The following SAMD12 variants were observed in gnomAD, a reference collection of about 807,000 sequenced individuals.
The protein encoded by SAMD12 is sterile alpha motif domain-containing protein 12.
Under a neutral mutation model 15.0 loss-of-function variants are expected in SAMD12, and 9 were observed. The ratio of observed to expected loss-of-function variants is 0.60; its 90% CI spans 0.36 to 1.05. The LOEUF (loss-of-function observed/expected upper bound fraction) is 1.05. Ranked by LOEUF, SAMD12 falls within the 50% of genes least tolerant of loss-of-function variation. The probability of loss-of-function intolerance (pLI) is 0.01; values close to 1 mark genes in which losing one functional copy is unlikely to be tolerated. For missense variants in SAMD12, 230 were observed against 234.2 expected, an observed-to-expected ratio of 0.98 and a Z score of 0.12; for synonymous variants, 86 against 90.1, an observed-to-expected ratio of 0.96 and a Z score of 0.25.
At chr8:118,522,387 C>G (rs1480725122) in intron 2 of SAMD12, among the ~76,000 whole-genome samples, 3 of 152,046 alleles carry the variant, frequency 2.0e-5, no homozygotes, top group Non-Finnish European at 2.9e-5. Context: ...CATATTGATG[C>G]TAGGTTTACA....
chr8:118,460,648 G>A (rs1172458039), intron 2 of SAMD12, among the ~76,000 whole-genome samples: 2 of 152,132 alleles, frequency 1.3e-5, no homozygotes, highest in East Asian at 1.9e-4. Flanking sequence ...AAAATGGAGA[G>A]AGTTGGAAGA....
At chr8:118,147,900 A>G in the SAMD12 span, among the ~76,000 whole-genome samples, 1 of 131,172 alleles carries the variant, frequency 7.6e-6, no homozygotes, top group Non-Finnish European at 1.8e-5. Context: ...CTCCTTGCTG[A>G]ATTTTTTTTT....
At chr8:118,393,374 G>A (rs1437364378) in intron 3 of SAMD12, among the ~76,000 whole-genome samples, 1 of 112,288 alleles carries the variant, frequency 8.9e-6, no homozygotes, top group African/African-American at 3.8e-5. Flanking sequence ...TGTTTTATAT[G>A]TATGTGTGTA....
intron 1 of SAMD12, among the ~76,000 whole-genome samples, chr8:118,612,670 A>T (rs1169579539): frequency 1.3e-5 from 2 of 152,248 alleles, no homozygotes; most frequent in African/African-American, 4.8e-5. Context: ...TTTCTAATAC[A>T]GGTAAAACAT....
At chr8:118,492,121 C>CTTTTTT (rs1586760425) in intron 2 of SAMD12, among the ~76,000 whole-genome samples, 2 of 112,578 alleles carry the variant, frequency 1.8e-5, no homozygotes. Context: ...ACTGGTGTTG[C>CTTTTTT]CTTTTTTTTT....
intron 2 of SAMD12, among the ~76,000 whole-genome samples, chr8:118,456,447 AG>A (rs1211560297): frequency 1.3e-5 from 2 of 152,318 alleles, no homozygotes; most frequent in East Asian, 3.9e-4. Context: ...CTTAGCACCT[AG>A]GGGGTTAATG....
intron 4 of SAMD12, among the ~76,000 whole-genome samples, chr8:118,251,841 G>A (rs910094100): frequency 1.3e-5 from 2 of 151,876 alleles, no homozygotes; most frequent in Non-Finnish European, 2.9e-5. Flanking sequence ...ATCATCTTCT[G>A]TTAGAGCTTC....
At chr8:118,509,489 T>C (rs1053957711) in intron 2 of SAMD12, among the ~76,000 whole-genome samples, 1 of 152,150 alleles carries the variant, frequency 6.6e-6, no homozygotes, top group Non-Finnish European at 1.5e-5. Flanking sequence ...TGAAACAGGC[T>C]TTGACTCTGT....
At chr8:118,549,147 T>G (rs988249800) in intron 2 of SAMD12, among the ~76,000 whole-genome samples, 1 of 152,216 alleles carries the variant, frequency 6.6e-6, no homozygotes, top group Non-Finnish European at 1.5e-5. Context: ...GACTGAAATG[T>G]CCCTGTCTGA....
intron 4 of SAMD12, among the ~76,000 whole-genome samples, chr8:118,241,768 AAAGTAC>A (rs1812573458): frequency 6.6e-6 from 1 of 152,204 alleles, no homozygotes. Context: ...TGGTATCAAC[AAAGTAC>A]TCTAAAAATA....
chr8:118,153,407 G>A, the SAMD12 span, among the ~76,000 whole-genome samples: 1 of 151,516 alleles, frequency 6.6e-6, no homozygotes, highest in African/African-American at 2.4e-5. Context: ...TCAAGGGAAA[G>A]GAAAGTACAC....
intron 2 of SAMD12, among the ~76,000 whole-genome samples, chr8:118,566,408 G>A (rs377004951): frequency 6.6e-5 from 10 of 151,978 alleles, no homozygotes; most frequent in East Asian, 3.9e-4. Context: ...ATTAGAATTC[G>A]CATTATAGTA....
intron 4 of SAMD12, among the ~76,000 whole-genome samples, chr8:118,347,896 CACAGTCAGGGGTTA>C (rs908685194): frequency 6.6e-6 from 1 of 152,146 alleles, no homozygotes; most frequent in East Asian, 1.9e-4. Flanking sequence ...GGCAAAGTGG[CACAGTCAGGGGTTA>C]ACATTGCACG....
chr8:118,420,984 A>T (rs1821969340), intron 3 of SAMD12, among the ~76,000 whole-genome samples: 3 of 152,232 alleles, frequency 2.0e-5, no homozygotes, highest in Non-Finnish European at 2.9e-5. Context: ...GTTGTGACAA[A>T]GACCCTACGA....
rs542292627 is a variant in SAMD12, at chr8:118,370,245, C to T, written c.433+9315G>A. On this transcript the variant is annotated intron_variant, in intron 4 of 4. Transcript: ENST00000409003. The stretch of plus-strand genomic sequence containing the variant: ...AAAACCACAGTGAGATACCATCTCA[C>T]GCCAGTCCTAACAGGGATTATTACA... Among the ~76,000 whole-genome samples, 131 of 152,224 alleles carry T rather than the reference C, an allele frequency of 8.6e-4. 1 individual carries two copies. Among genetic ancestry groups the T allele is most frequent in the African/African-American group, 2.9e-3 (121 of 41,532 alleles).
rs148323509 is a variant in SAMD12, at chr8:118,391,768, C to T, written c.323-12068G>A. On this transcript the variant is annotated intron_variant, in intron 3 of 3. Transcript: ENST00000314727. ...GAAAAATTAACAAGTATTATCACAG[C>T]TTCAGATATATTCAATAGAAGAGAC... is the stretch of plus-strand genomic sequence containing the variant. 2.5e-3 allele frequency among the ~76,000 whole-genome samples: 384 copies of T among 152,248 alleles called. 2 individuals are homozygous for T. The highest frequency in any genetic ancestry group is 8.3e-3 in the African/African-American group (345 of 41,528).
At chr8:118,168,953 T>A in the SAMD12 span, among the ~76,000 whole-genome samples, 3 of 152,158 alleles carry the variant, frequency 2.0e-5, no homozygotes, top group Non-Finnish European at 4.4e-5. Context: ...ACCTAAGAGA[T>A]CACCCTTAAC....
At chr8:118,133,791 G>A in the SAMD12 span, among the ~76,000 whole-genome samples, 1 of 151,920 alleles carries the variant, frequency 6.6e-6, no homozygotes, top group Non-Finnish European at 1.5e-5. Context: ...GATAAAATAA[G>A]ACAAAGTACT....
At position 118,256,779 on chromosome 8, in the gene SAMD12, TACACACACACACACAC is replaced by T. The variant is rs3052764; in HGVS notation, c.434-59063_434-59048del. On this transcript the variant is annotated intron_variant, in intron 4 of 4. Transcript: ENST00000409003. ...CTTAATGTAATATATCTGCATAAGA[TACACACACACACACAC>T]ACACACACACACACACACACACACA... Among the ~76,000 whole-genome samples, 314 of 139,884 alleles carry T rather than the reference TACACACACACACACAC, an allele frequency of 2.2e-3. 5 individuals carry two copies. Among genetic ancestry groups the T allele is most frequent in the Admixed American group, 6.6e-4 (9 of 13,602 alleles). The allele number at this position is 139,884 out of a possible 152,430, so 91.8% of individuals were successfully genotyped here. A position where few individuals can be genotyped will look rare whatever the true frequency, so the allele number is the denominator to read the frequency against.
Sources: allele counts gnomAD v4.1 joint callset (sites outside exome capture counted in the v4.1 genomes callset), GRCh38; gene constraint gnomAD v4.1.1; transcripts MANE v1.5; gene names NCBI Gene and HGNC (gene_info 2026-07-23, HGNC 2026-07-21).